The following TENM2 variants were observed in gnomAD, a reference collection of about 807,000 sequenced individuals.
TENM2 encodes teneurin-2.
TENM2 carries 52 observed loss-of-function variants against 245.2 expected under a neutral mutation model. That is an observed-to-expected ratio of 0.21 (90% CI 0.17 to 0.27). TENM2 has a LOEUF of 0.27. Among genes scored for constraint, TENM2 ranks in the 10% least tolerant of loss-of-function variants. TENM2 has a pLI of 1.00. For synonymous variants in TENM2, 1,363 were observed against 1,438.9 expected (o/e 0.95, Z 1.19); for missense variants, 3,046 against 3,666.8 (o/e 0.83, Z 4.37).
At chr5:167,473,461 A>T (rs769574920) in intron 2 of TENM2, among the ~76,000 whole-genome samples, 1 of 152,230 alleles carries the variant, frequency 6.6e-6, no homozygotes, top group Non-Finnish European at 1.5e-5. Flanking sequence ...CCAAGGACGA[A>T]GGAAAGTTCA....
At chr5:168,213,995 G>A (rs1762987716) in intron 20 of TENM2, among the ~76,000 whole-genome samples, 1 of 152,182 alleles carries the variant, frequency 6.6e-6, no homozygotes, top group South Asian at 2.1e-4. Context: ...CCTCAAACCA[G>A]TGACAGGCAC....
rs189396215 is a variant in TENM2 at position 167,404,348 on chromosome 5, C to T, written c.502+28875C>T. ...TTTGGGGTTATGAAAAATGACTGAC[C>T]GTCCATCAGCATAGGATAAGATCAG... On this transcript the variant is annotated intron_variant, in intron 2 of 28. Coordinates refer to ENST00000518659, the Ensembl canonical transcript of TENM2. Among the ~76,000 whole-genome samples, 12 of 152,004 alleles carry T rather than the reference C, an allele frequency of 7.9e-5. 1 individual carries two copies. Among genetic ancestry groups the T allele is most frequent in the Admixed American group, 4.6e-4 (7 of 15,232 alleles).
chr5:167,771,182 T>A (rs1763381317), intron 2 of TENM2, among the ~76,000 whole-genome samples: 2 of 152,112 alleles, frequency 1.3e-5, no homozygotes, highest in Admixed American at 1.3e-4. Flanking sequence ...AAACACTTGA[T>A]AGATTAGCCC....
chr5:167,929,772 A>G (rs1037051311), intron 3 of TENM2, among the ~76,000 whole-genome samples: 7 of 152,096 alleles, frequency 4.6e-5, no homozygotes, highest in Non-Finnish European at 8.8e-5. Flanking sequence ...TACATGGGAG[A>G]GTGGATTCTA....
chr5:167,810,862 A>T (rs964759231), intron 2 of TENM2, among the ~76,000 whole-genome samples: 1 of 152,140 alleles, frequency 6.6e-6, no homozygotes, highest in Non-Finnish European at 1.5e-5. Context: ...AGATTAAGGA[A>T]AGGCACTGTA....
chr5:167,452,507 A>G (rs530136986), intron 2 of TENM2, among the ~76,000 whole-genome samples: 2 of 152,180 alleles, frequency 1.3e-5, no homozygotes, highest in African/African-American at 4.8e-5. Context: ...CAAGGATGCC[A>G]TAGTTTTCCA....
At chr5:167,549,757 T>G (rs1772811845) in intron 2 of TENM2, among the ~76,000 whole-genome samples, 1 of 150,956 alleles carries the variant, frequency 6.6e-6, no homozygotes, top group Non-Finnish European at 1.5e-5. Context: ...TGTTTTTTGT[T>G]TTTTTTTTAT....
chr5:168,036,381 A>G (rs1157497429), intron 5 of TENM2, among the ~76,000 whole-genome samples: 1 of 152,114 alleles, frequency 6.6e-6, no homozygotes, highest in Non-Finnish European at 1.5e-5. Context: ...TCACGCCTGT[A>G]ATCCCAGCAC....
At chr5:167,315,805 A>T (rs750813203) in intron 1 of TENM2, among the ~76,000 whole-genome samples, 15 of 152,212 alleles carry the variant, frequency 9.9e-5, no homozygotes, top group Non-Finnish European at 1.9e-4. Context: ...GGCATTCTAT[A>T]GAATGCAAGC....
chr5:167,622,382 A>G (rs1478702719), intron 2 of TENM2, among the ~76,000 whole-genome samples: 1 of 152,142 alleles, frequency 6.6e-6, no homozygotes, highest in Admixed American at 6.6e-5. Context: ...AACTTTTTTA[A>G]AAGAAGAAGC....
intron 2 of TENM2, among the ~76,000 whole-genome samples, chr5:167,464,978 G>A (rs1404487889): frequency 6.6e-6 from 1 of 152,160 alleles, no homozygotes; most frequent in Non-Finnish European, 1.5e-5. Context: ...TTCCAATAAA[G>A]TGTCTCAAGT....
At chr5:167,410,366 A>G (rs939879836) in intron 2 of TENM2, among the ~76,000 whole-genome samples, 1 of 152,064 alleles carries the variant, frequency 6.6e-6, no homozygotes, top group Admixed American at 6.6e-5. Flanking sequence ...GAAAAGAGCT[A>G]TTTAAGCCTA....
chr5:167,912,339 A>G (rs748188104), intron 3 of TENM2, among the ~76,000 whole-genome samples: 5 of 152,178 alleles, frequency 3.3e-5, no homozygotes, highest in Non-Finnish European at 7.3e-5. Flanking sequence ...TCTTTTAAGG[A>G]TAAATAGTAT....
chr5:167,643,833 T>G (rs1323152247), intron 2 of TENM2, among the ~76,000 whole-genome samples: 4 of 152,216 alleles, frequency 2.6e-5, no homozygotes, highest in African/African-American at 9.6e-5. Flanking sequence ...GGTGCTATGA[T>G]GCAAATACGT....
In TENM2 at chr5:168,178,000, C is replaced by T. The variant is rs112816128; in HGVS notation, c.2570-12337C>T. Among the ~76,000 whole-genome samples, 1,182 of 152,266 alleles carry T rather than the reference C, an allele frequency of 7.8e-3. 18 individuals are homozygous for T. The highest frequency in any genetic ancestry group is 0.027 in the African/African-American group (1,112 of 41,542). Reference sequence around the variant, plus strand: ...AGGAAGCTCGTAGAATAGCCAAGTCCGGGCCCTTCTCCCAGCTGGCAGTCT... The same window carrying T: ...AGGAAGCTCGTAGAATAGCCAAGTCTGGGCCCTTCTCCCAGCTGGCAGTCT... On this transcript the variant is annotated intron_variant, in intron 13 of 28. Coordinates refer to ENST00000518659, the Ensembl canonical transcript of TENM2.
the TENM2 span, among the ~76,000 whole-genome samples, chr5:167,053,286 A>G: frequency 1.3e-5 from 2 of 152,194 alleles, no homozygotes; most frequent in African/African-American, 4.8e-5. Flanking sequence ...GCATGGTATT[A>G]ACATGCATTA....
At chr5:167,169,302 A>G in the TENM2 span, among the ~76,000 whole-genome samples, 1 of 152,156 alleles carries the variant, frequency 6.6e-6, no homozygotes, top group South Asian at 2.1e-4. Context: ...AAATGGGATG[A>G]TAGTAATAGT....
intron 2 of TENM2, among the ~76,000 whole-genome samples, chr5:167,709,368 A>G (rs1253597982): frequency 2.0e-5 from 3 of 152,070 alleles, no homozygotes; most frequent in East Asian, 3.8e-4. Context: ...TTTGAATTTC[A>G]TTTCATGTAA....
chr5:167,112,385 A>G, the TENM2 span, among the ~76,000 whole-genome samples: 3 of 152,230 alleles, frequency 2.0e-5, no homozygotes, highest in African/African-American at 4.8e-5. Context: ...GTCCTTCTCT[A>G]TGTAATAACA....
Sources: allele counts gnomAD v4.1 joint callset (sites outside exome capture counted in the v4.1 genomes callset), GRCh38; gene constraint gnomAD v4.1.1; transcripts MANE v1.5; gene names NCBI Gene and HGNC (gene_info 2026-07-23, HGNC 2026-07-21).